Variants in CHST9 observed in about 807,000 individuals in gnomAD.
The protein encoded by CHST9 is carbohydrate sulfotransferase 9.
A neutral mutation model predicts 44.4 loss-of-function variants in CHST9; 41 were observed. That is an observed-to-expected ratio of 0.92 (90% CI 0.72 to 1.20). CHST9 has a LOEUF of 1.20. Among genes scored for constraint, CHST9 ranks in the 50% most tolerant of loss-of-function variants. The pLI, the probability that CHST9 is intolerant of heterozygous loss-of-function variation, is 0.00. For missense variants in CHST9, 504 were observed against 516.5 expected (o/e 0.98, Z 0.23); for synonymous variants, 171 against 178.4 (o/e 0.96, Z 0.33).
At chr18:27,020,561 A>T (rs1043148495) in intron 4 of CHST9, among the ~76,000 whole-genome samples, 1 of 152,198 alleles carries the variant, frequency 6.6e-6, no homozygotes, top group East Asian at 1.9e-4. Flanking sequence ...TATTCATGGG[A>T]GATGTTTATA....
intron 3 of CHST9, among the ~76,000 whole-genome samples, chr18:27,041,602 G>A (rs1414196497): frequency 6.6e-6 from 1 of 152,130 alleles, no homozygotes; most frequent in Non-Finnish European, 1.5e-5. Flanking sequence ...GGGAATTTCA[G>A]GTAGATGTGT....
At chr18:26,998,046 A>G (rs2056906054) in intron 4 of CHST9, among the ~76,000 whole-genome samples, 1 of 152,230 alleles carries the variant, frequency 6.6e-6, no homozygotes, top group Non-Finnish European at 1.5e-5. Context: ...AGCAGTGTCA[A>G]CAGTCCTAGC....
intron 2 of CHST9, among the ~76,000 whole-genome samples, chr18:27,083,494 G>A (rs1388935883): frequency 2.6e-5 from 4 of 152,014 alleles, no homozygotes; most frequent in Non-Finnish European, 5.9e-5. Flanking sequence ...CCCCTGCATG[G>A]TATAAAAATA....
At chr18:27,087,943 T>C (rs1437891346) in intron 2 of CHST9, among the ~76,000 whole-genome samples, 1 of 152,174 alleles carries the variant, frequency 6.6e-6, no homozygotes, top group East Asian at 1.9e-4. Flanking sequence ...GAAGATCATG[T>C]TAAAAATTCT....
At chr18:26,963,469 A>C (rs573010910) in intron 4 of CHST9, among the ~76,000 whole-genome samples, 1 of 152,072 alleles carries the variant, frequency 6.6e-6, no homozygotes, top group East Asian at 1.9e-4. Context: ...AAGAATGAAA[A>C]GATTAGCTGC....
intron 4 of CHST9, among the ~76,000 whole-genome samples, chr18:26,996,596 G>A (rs2056890542): frequency 6.6e-6 from 1 of 152,186 alleles, no homozygotes; most frequent in African/African-American, 2.4e-5. Context: ...GGCTGGAGAG[G>A]CTGCAAGGCA....
At chr18:27,009,466 A>G (rs558084614) in intron 4 of CHST9, among the ~76,000 whole-genome samples, 1 of 152,356 alleles carries the variant, frequency 6.6e-6, no homozygotes, top group African/African-American at 2.4e-5. Context: ...AAATAAGCAC[A>G]GATCTTTGGA....
chr18:27,129,077 T>C (rs781382005), intron 2 of CHST9, among the ~76,000 whole-genome samples: 4 of 151,292 alleles, frequency 2.6e-5, no homozygotes, highest in Non-Finnish European at 4.4e-5. Context: ...AGCTAAAAGG[T>C]TGAGAAATAG....
chr18:27,008,257 C>T (rs1683564437), intron 4 of CHST9, among the ~76,000 whole-genome samples: 1 of 152,148 alleles, frequency 6.6e-6, no homozygotes, highest in African/African-American at 2.4e-5. Flanking sequence ...AAGTCATCCA[C>T]TGAAGAGGAG....
At chr18:27,016,774 C>T (rs1048262891) in intron 4 of CHST9, among the ~76,000 whole-genome samples, 2 of 152,088 alleles carry the variant, frequency 1.3e-5, no homozygotes, top group Non-Finnish European at 2.9e-5. Context: ...TGTATGTATA[C>T]ATCTATGATG....
chr18:27,030,644 T>C (rs2143491527), intron 3 of CHST9, among the ~76,000 whole-genome samples: 1 of 152,342 alleles, frequency 6.6e-6, no homozygotes, highest in Admixed American at 6.5e-5. Context: ...CCAGACCCCC[T>C]GTGCAGGAGA....
At chr18:27,116,096 ACTTT>A (rs1161075808) in intron 2 of CHST9, among the ~76,000 whole-genome samples, 1 of 151,770 alleles carries the variant, frequency 6.6e-6, no homozygotes, top group Non-Finnish European at 1.5e-5. Flanking sequence ...TTGTCTTTTC[ACTTT>A]CTTTATAGTG....
In CHST9 at chr18:26,915,730, C is replaced by A. The variant is rs539282059; in HGVS notation, c.*529G>T. The A allele has an allele frequency of 1.3e-5, 2 of 152,384 alleles. No individual in the cohort carries two copies. The highest frequency in any genetic ancestry group is 4.1e-4 in the South Asian group (2 of 4,838). The allele number at this position is 152,384 out of a possible 1,614,324, so 9.4% of individuals were successfully genotyped here. A position where few individuals can be genotyped will look rare whatever the true frequency, so the allele number is the denominator to read the frequency against. Reference sequence around the variant, plus strand: ...TCTGCTATATTCTCATATTGTAAATCACATAATGCCTTCCAATCTAAAGTA... The same window carrying A: ...TCTGCTATATTCTCATATTGTAAATAACATAATGCCTTCCAATCTAAAGTA... On this transcript the variant is annotated 3_prime_UTR_variant, in exon 6 of 6. Transcript: ENST00000618847.
intron 1 of CHST9, among the ~76,000 whole-genome samples, chr18:27,163,730 G>A (rs561138704): frequency 1.3e-5 from 2 of 152,250 alleles, no homozygotes; most frequent in East Asian, 3.9e-4. Context: ...TCTTTGACTA[G>A]GAAAGGGAAT....
At chr18:27,095,224 C>T (rs1043950745) in intron 2 of CHST9, among the ~76,000 whole-genome samples, 2 of 152,130 alleles carry the variant, frequency 1.3e-5, no homozygotes, top group Non-Finnish European at 2.9e-5. Context: ...ACAAGAGCCA[C>T]TTTGAAGGAA....
Position 27,053,279 on chromosome 18 carries a change from GGA to G in CHST9, c.122-4778_122-4777del, listed in dbSNP as rs1568151319. On this transcript the variant is annotated intron_variant, in intron 2 of 5. Transcript: ENST00000618847. The stretch of plus-strand genomic sequence containing the variant: ...AGAAGAAGGAGAAGGAGAAGGAGAA[GGA>G]GAAGGAGAAGGAGAAGGAGAAGGAG... 3.0e-4 allele frequency among the ~76,000 whole-genome samples: 40 copies of G among 133,658 alleles called. 2 individuals carry two copies. The highest frequency in any genetic ancestry group is 9.3e-4 in the African/African-American group (33 of 35,502). The allele number at this position is 133,658 out of a possible 152,430, so 87.7% of individuals were successfully genotyped here.
chr18:27,113,174 G>T (rs561031722), intron 2 of CHST9, among the ~76,000 whole-genome samples: 4 of 140,162 alleles, frequency 2.9e-5, no homozygotes, highest in South Asian at 4.6e-4. Flanking sequence ...GGGTGACAGA[G>T]CTAGACTCCA....
chr18:26,953,016 AAT>A (rs527606116), intron 4 of CHST9, among the ~76,000 whole-genome samples: 187 of 152,336 alleles, frequency 1.2e-3, no homozygotes, highest in African/African-American at 4.3e-3. Flanking sequence ...CTCATGCAGG[AAT>A]ATGTCTTGAA....
In CHST9 at chr18:27,118,091, G is replaced by A. The variant is rs147989188; in HGVS notation, c.121+24598C>T. ...GTTTGGGATTTTGGCCATTCAGTGGGTATGCAGTGGTATTTTACTGTTTTA... is the reference window on the plus strand; with the variant it reads ...GTTTGGGATTTTGGCCATTCAGTGGATATGCAGTGGTATTTTACTGTTTTA... On this transcript the variant is annotated intron_variant, in intron 2 of 5. Transcript: ENST00000618847. Among the ~76,000 whole-genome samples the A allele has an allele frequency of 7.4e-4, 112 of 152,296 alleles. 2 individuals are homozygous for A. In the East Asian group the frequency reaches 0.02, roughly 28 times the overall value.
Sources: allele counts gnomAD v4.1 joint callset (sites outside exome capture counted in the v4.1 genomes callset), GRCh38; gene constraint gnomAD v4.1.1; transcripts MANE v1.5; gene names NCBI Gene and HGNC (gene_info 2026-07-23, HGNC 2026-07-21).